AFAP1: variants seen among roughly 807,000 people sequenced by gnomAD.
AFAP1 encodes the protein actin filament associated protein 1.
AFAP1 carries 75 observed loss-of-function variants against 93.9 expected under a neutral mutation model. The observed-to-expected ratio is 0.80, with a 90% confidence interval of 0.66 to 0.97. AFAP1 has a LOEUF of 0.97. AFAP1 is among the 50% of genes least tolerant of loss of function. AFAP1 has a pLI of 0.00. For missense variants in AFAP1, 1,201 were observed against 1,050.8 expected (o/e 1.14, Z -1.98); for synonymous variants, 517 against 430.7 (o/e 1.20, Z -2.48).
chr4:7,861,770 T>C (rs1715732185), intron 3 of AFAP1, among the ~76,000 whole-genome samples: 1 of 152,224 alleles, frequency 6.6e-6, no homozygotes, highest in Non-Finnish European at 1.5e-5. Context: ...AACTCTGAGA[T>C]TCCTCAAAGA....
chr4:7,819,194 G>C, intron 6 of AFAP1, 23 bp from the exon 7 acceptor site: 1 of 1,589,610 alleles, frequency 6.3e-7, no homozygotes, highest in South Asian at 1.1e-5. Flanking sequence ...CAGACACTTT[G>C]TGAGTATGCC....
chr4:7,830,998 T>G (rs2149092963), intron 6 of AFAP1, among the ~76,000 whole-genome samples: 2 of 152,296 alleles, frequency 1.3e-5, no homozygotes, highest in East Asian at 3.9e-4. Flanking sequence ...ATGTTTCAAT[T>G]CTATCTGTAG....
intron 1 of AFAP1, among the ~76,000 whole-genome samples, chr4:7,874,652 G>C (rs1319804455): frequency 6.8e-6 from 1 of 146,818 alleles, no homozygotes; most frequent in Non-Finnish European, 1.5e-5. Context: ...CAAAGTGCTG[G>C]GATTACAGGC....
chr4:7,837,288 C>A (rs1560189612), intron 6 of AFAP1, among the ~76,000 whole-genome samples: 1 of 152,164 alleles, frequency 6.6e-6, no homozygotes, highest in Admixed American at 6.5e-5. Flanking sequence ...GAAATCCTAA[C>A]CCTCAAGAGG....
In AFAP1 at chr4:7,883,852, T is replaced by C. The variant is rs1044544404; in HGVS notation, c.-2-11772A>G. Among the ~76,000 whole-genome samples, 18 of 152,220 alleles carry C rather than the reference T, an allele frequency of 1.2e-4. 1 individual carries two copies. Among genetic ancestry groups the C allele is most frequent in the Admixed American group, 1.3e-4 (2 of 15,288 alleles). On this transcript the variant is annotated intron_variant, in intron 1 of 17. Coordinates refer to ENST00000420658, the MANE Select transcript of AFAP1 (RefSeq NM_001134647.2). The stretch of plus-strand genomic sequence containing the variant: ...GGAAAGATGTCCCCTTGCCTTTGGA[T>C]AGGACAACTTAACATCAAAAAGATG...
At chr4:7,807,984 T>C (rs966889852) in intron 9 of AFAP1, among the ~76,000 whole-genome samples, 4 of 152,182 alleles carry the variant, frequency 2.6e-5, no homozygotes, top group Admixed American at 6.5e-5. Flanking sequence ...ATAGCCCCAT[T>C]TAGGCGCTGT....
chr4:7,880,935 T>C (rs913692690), intron 1 of AFAP1, among the ~76,000 whole-genome samples: 1 of 152,190 alleles, frequency 6.6e-6, no homozygotes, highest in African/African-American at 2.4e-5. Context: ...CCCCACAGGC[T>C]TCACACTTTA....
rs1014678129 is a variant in AFAP1 at position 7,916,008 on chromosome 4, G to A, written c.-3+23648C>T. Reference sequence around the variant, plus strand: ...AAGTTCTAGTCCAGGGCTCATCCCCGGCCTCCTCACTTACGCAATCACCAG... The same window carrying A: ...AAGTTCTAGTCCAGGGCTCATCCCCAGCCTCCTCACTTACGCAATCACCAG... On this transcript the variant is annotated intron_variant, in intron 1 of 17. Coordinates refer to ENST00000420658, the MANE Select transcript of AFAP1 (RefSeq NM_001134647.2). Among the ~76,000 whole-genome samples the A allele has an allele frequency of 7.9e-5, 8 of 101,648 alleles. No homozygotes were observed. In the South Asian group the frequency reaches 2.1e-3, roughly 26 times the overall value. The allele number at this position is 101,648 out of a possible 152,430, so 66.7% of individuals were successfully genotyped here.
intron 10 of AFAP1, 71 bp from the exon 11 acceptor site, chr4:7,793,897 A>T: frequency 7.2e-7 from 1 of 1,395,536 alleles, no homozygotes; most frequent in South Asian, 1.9e-5. Flanking sequence ...TGTGTCAATA[A>T]AGAGACCACA....
intron 6 of AFAP1, among the ~76,000 whole-genome samples, chr4:7,830,357 C>T (rs759934237): frequency 2.0e-5 from 3 of 152,212 alleles, no homozygotes; most frequent in East Asian, 1.9e-4. Flanking sequence ...GTAACAGGAG[C>T]GTCCTAGAGA....
chr4:7,816,147 C>T (rs764052195), intron 7 of AFAP1, 48 bp from the exon 8 acceptor site: 4 of 1,514,806 alleles, frequency 2.6e-6, no homozygotes, highest in Non-Finnish European at 3.6e-6. Flanking sequence ...TCACTTGGAC[C>T]CAGTGATGTG....
At chr4:7,933,509 G>T (rs1045212742) in intron 1 of AFAP1, among the ~76,000 whole-genome samples, 4 of 152,154 alleles carry the variant, frequency 2.6e-5, no homozygotes, top group Non-Finnish European at 5.9e-5. Flanking sequence ...AGAGGCAGAC[G>T]TTGCAGTGAG....
Position 7,763,231 on chromosome 4 carries a change from C to A in AFAP1, c.*534G>T, listed in dbSNP as rs1004459717. 6.5e-6 allele frequency: 1 copy of A among 153,078 alleles called. No homozygotes were observed. Among genetic ancestry groups the A allele is most frequent in the African/African-American group, 2.4e-5 (1 of 41,440 alleles). The allele number at this position is 153,078 out of a possible 1,614,324, so 9.5% of individuals were successfully genotyped here. A position where few individuals can be genotyped will look rare whatever the true frequency, so the allele number is the denominator to read the frequency against. On this transcript the variant is annotated 3_prime_UTR_variant, in exon 18 of 18. Coordinates refer to ENST00000420658, the MANE Select transcript of AFAP1 (RefSeq NM_001134647.2). ...CCTTTACCTCTGATGACGAGGGGGACGGGCACGTGGAGAGGGTACGCCAAG... is the reference window on the plus strand; with the variant it reads ...CCTTTACCTCTGATGACGAGGGGGAAGGGCACGTGGAGAGGGTACGCCAAG...
chr4:7,909,809 A>C (rs1424203560), intron 1 of AFAP1, among the ~76,000 whole-genome samples: 1 of 152,180 alleles, frequency 6.6e-6, no homozygotes, highest in African/African-American at 2.4e-5. Context: ...TTCTATTTCA[A>C]CTGGTCTGGA....
chr4:7,871,486 G>A (rs972528835), intron 2 of AFAP1, among the ~76,000 whole-genome samples: 9 of 152,192 alleles, frequency 5.9e-5, no homozygotes, highest in Non-Finnish European at 8.8e-5. Context: ...AGCTTGCTGC[G>A]TTTTTATTGC....
chr4:7,921,350 ATTT>A, intron 1 of AFAP1, among the ~76,000 whole-genome samples: 1 of 151,546 alleles, frequency 6.6e-6, no homozygotes, highest in Admixed American at 6.6e-5. Context: ...CGCCTGGCTA[ATTT>A]TTTTATTTTT....
intron 3 of AFAP1, among the ~76,000 whole-genome samples, chr4:7,860,626 G>A (rs929086650): frequency 1.3e-5 from 2 of 152,168 alleles, no homozygotes; most frequent in South Asian, 2.1e-4. Flanking sequence ...CCCGGGGCTG[G>A]ACATGCTTAT....
At chr4:7,819,254 G>A (rs1040611155) in intron 6 of AFAP1, 83 bp from the exon 7 acceptor site, 2 of 1,253,636 alleles carry the variant, frequency 1.6e-6, no homozygotes, top group South Asian at 1.7e-5. Flanking sequence ...ACAGACAGAG[G>A]CACATGGCGT....
chr4:7,817,519 AGGTGGAGGC>A (rs1347011681), intron 7 of AFAP1, among the ~76,000 whole-genome samples: 6 of 152,202 alleles, frequency 3.9e-5, no homozygotes, highest in African/African-American at 1.4e-4. Context: ...TGAACTCAGG[AGGTGGAGGC>A]TGCAGTGAGC....
Sources: gnomAD v4.1 joint callset for allele counts (sites outside exome capture counted in the v4.1 genomes callset) on GRCh38, gnomAD v4.1.1 for gene constraint, MANE v1.5 for transcripts, NCBI Gene and HGNC (gene_info 2026-07-23, HGNC 2026-07-21) for gene names.